Variants in IRAG2 observed in about 807,000 individuals in gnomAD.
IRAG2 encodes the protein lymphoid restricted membrane protein.
IRAG2 carries 45 observed loss-of-function variants against 69.9 expected under a neutral mutation model. The ratio of observed to expected loss-of-function variants is 0.64; its 90% CI spans 0.51 to 0.83. IRAG2 has a LOEUF of 0.83. Ranked by LOEUF, IRAG2 falls within the 40% of genes least tolerant of loss-of-function variation. IRAG2 has a pLI of 0.00. For missense variants in IRAG2, 520 were observed against 587.0 expected (o/e 0.89, Z 1.18); for synonymous variants, 193 against 202.4 (o/e 0.95, Z 0.40).
intron 16 of IRAG2, among the ~76,000 whole-genome samples, chr12:25,042,117 T>C (rs961436088): frequency 6.6e-6 from 1 of 152,096 alleles, no homozygotes; most frequent in Non-Finnish European, 1.5e-5. Flanking sequence ...AGGGTAATAG[T>C]CATGGAAGTG....
intron 9 of IRAG2, among the ~76,000 whole-genome samples, chr12:25,027,031 CTTTT>C (rs36008257): frequency 6.8e-6 from 1 of 146,924 alleles, no homozygotes; most frequent in East Asian, 2.0e-4. Flanking sequence ...CCTTTTCCTT[CTTTT>C]TTTTTTTTGG....
intron 7 of IRAG2, 31 bp downstream of exon 7, chr12:25,079,321 T>C (rs1486848606): frequency 6.2e-7 from 1 of 1,611,846 alleles, no homozygotes; most frequent in South Asian, 1.1e-5. Context: ...TGTGTGAATT[T>C]GTATGCATAT....
chr12:25,087,272 A>G (rs1947688797), intron 10 of IRAG2, among the ~76,000 whole-genome samples: 1 of 140,680 alleles, frequency 7.1e-6, no homozygotes, highest in Non-Finnish European at 1.5e-5. Context: ...AGTTCAAGTG[A>G]TTCTCCTGCC....
At chr12:25,036,981 A>G (rs1944707257) in intron 15 of IRAG2, among the ~76,000 whole-genome samples, 3 of 152,186 alleles carry the variant, frequency 2.0e-5, no homozygotes, top group South Asian at 2.1e-4. Flanking sequence ...CTAAATTAAG[A>G]TTTTTCCTTA....
At chr12:25,028,945 A>G (rs699044) in intron 9 of IRAG2, among the ~76,000 whole-genome samples, 152,344 of 152,348 alleles carry the variant, frequency 1, 76,170 homozygotes, top group Middle Eastern at 1. Flanking sequence ...TTACCTGCGC[A>G]GTAGTGCAGT....
At chr12:25,017,465 C>T (rs111983763) in intron 6 of IRAG2, among the ~76,000 whole-genome samples, 1 of 151,978 alleles carries the variant, frequency 6.6e-6, no homozygotes, top group African/African-American at 2.4e-5. Flanking sequence ...TGCCTGTAAT[C>T]CCAGCACTTT....
chr12:25,006,759 A>G (rs1944436170), intron 2 of IRAG2, among the ~76,000 whole-genome samples: 1 of 152,184 alleles, frequency 6.6e-6, no homozygotes, highest in African/African-American at 2.4e-5. Flanking sequence ...CCAGTCACAT[A>G]TTATGCTCAG....
intron 1 of IRAG2, among the ~76,000 whole-genome samples, chr12:25,058,371 T>C (rs1945404124): frequency 6.6e-6 from 1 of 152,212 alleles, no homozygotes; most frequent in African/African-American, 2.4e-5. Flanking sequence ...TGATTGGCCA[T>C]TGTATATCTT....
upstream of IRAG2, among the ~76,000 whole-genome samples, chr12:25,048,170 G>C (rs11531006): frequency 6.6e-6 from 1 of 152,034 alleles, no homozygotes; most frequent in East Asian, 1.9e-4. Context: ...CTGGCATGAG[G>C]TGGTATCTTA....
At chr12:25,023,142 A>G (rs907385563) in intron 7 of IRAG2, among the ~76,000 whole-genome samples, 11 of 151,790 alleles carry the variant, frequency 7.2e-5, no homozygotes, top group South Asian at 4.1e-4. Context: ...AAAAAAAAAA[A>G]AAAGAAAAAG....
intron 10 of IRAG2, among the ~76,000 whole-genome samples, 199 bp from the exon 11 acceptor site, chr12:25,087,901 C>G (rs1296443126): frequency 6.6e-6 from 1 of 152,154 alleles, no homozygotes; most frequent in Non-Finnish European, 1.5e-5. Flanking sequence ...CAGGTTCCTT[C>G]AGAAACTGTT....
chr12:25,045,270 A>G (rs1035812903), intron 16 of IRAG2, among the ~76,000 whole-genome samples: 1 of 152,098 alleles, frequency 6.6e-6, no homozygotes, highest in Non-Finnish European at 1.5e-5. Context: ...AGGGCATTTT[A>G]TAGTGATAAA....
intron 10 of IRAG2, among the ~76,000 whole-genome samples, chr12:25,085,152 G>A (rs1448643962): frequency 1.3e-5 from 2 of 152,234 alleles, no homozygotes; most frequent in African/African-American, 4.8e-5. Context: ...TTAGCTCAAT[G>A]GACCCTCAGC....
At chr12:25,044,299 GA>G (rs1470882766) in intron 16 of IRAG2, among the ~76,000 whole-genome samples, 7 of 151,702 alleles carry the variant, frequency 4.6e-5, no homozygotes, top group African/African-American at 1.5e-4. Flanking sequence ...AGGAATCAAA[GA>G]ATATTAATAC....
In IRAG2 at chr12:25,012,143, C is replaced by A. The variant is rs1423609241; in HGVS notation, c.896+592C>A. ...GTCTTCTTCCACAGAAAGCGAATTC[C>A]CTTTTTTTTTTTTTTTTTTTTTTTT... On this transcript the variant is annotated intron_variant, in intron 3 of 38. Coordinates refer to the IRAG2 transcript ENST00000636465. Among the ~76,000 whole-genome samples, 120 of 24,100 alleles carry A rather than the reference C, an allele frequency of 5.0e-3. No homozygotes were observed. The East Asian group carries it at 0.067, about 13-fold the overall frequency. The allele number at this position is 24,100 out of a possible 152,430, so 15.8% of individuals were successfully genotyped here.
chr12:25,095,321 G>C (rs959958098), intron 14 of IRAG2, among the ~76,000 whole-genome samples: 5 of 151,932 alleles, frequency 3.3e-5, no homozygotes, highest in Non-Finnish European at 7.4e-5. Flanking sequence ...CTTTTTGTTA[G>C]TATTCCTAGT....
At chr12:25,077,385 T>A (rs796334234) in intron 6 of IRAG2, among the ~76,000 whole-genome samples, 3 of 122,510 alleles carry the variant, frequency 2.4e-5, no homozygotes, top group East Asian at 4.9e-4. Flanking sequence ...ATATATATGA[T>A]ATATATATGA....
At chr12:25,095,495 T>C (rs1266081411) in intron 14 of IRAG2, among the ~76,000 whole-genome samples, 1 of 152,218 alleles carries the variant, frequency 6.6e-6, no homozygotes, top group East Asian at 1.9e-4. Context: ...AAATAAATCC[T>C]ACTTGTACAT....
rs1158325679 is a variant in IRAG2, at chr12:25,020,848, CT to C, written c.1275del (p.Ser426ValfsTer2). The stretch of plus-strand genomic sequence containing the variant: ...AAAAGAAGAACTGGAGGAACTGAAA[CT>C]TAGTATGAATGCTTCAGAAGAGCAG... On this transcript the variant is annotated frameshift_variant, in exon 7 of 39. Transcript: ENST00000636465. LOFTEE classifies it high-confidence loss of function. 6 of 1,231,864 alleles carry C rather than the reference CT, an allele frequency of 4.9e-6. No individual in the cohort carries two copies. Among genetic ancestry groups the C allele is most frequent in the Non-Finnish European group, 6.1e-6 (6 of 987,908 alleles). The allele number at this position is 1,231,864 out of a possible 1,614,324, so 76.3% of individuals were successfully genotyped here.
Sources: gnomAD v4.1 joint callset for allele counts (sites outside exome capture counted in the v4.1 genomes callset) on GRCh38, gnomAD v4.1.1 for gene constraint, MANE v1.5 for transcripts, NCBI Gene and HGNC (gene_info 2026-07-23, HGNC 2026-07-21) for gene names.